The following PTPRN2 variants were observed in gnomAD, a reference collection of about 807,000 sequenced individuals.
PTPRN2 encodes protein tyrosine phosphatase receptor type N2, also known as receptor-type tyrosine-protein phosphatase N2.
In PTPRN2, 74 loss-of-function variants were observed where a neutral mutation model predicts 118.8. The observed-to-expected ratio is 0.62, with a 90% CI of 0.52 to 0.76. The LOEUF (loss-of-function observed/expected upper bound fraction) is 0.76. PTPRN2 is among the 30% of genes least tolerant of loss of function. The pLI is 0.00. For missense variants in PTPRN2, 1,481 were observed against 1,394.4 expected, an observed-to-expected ratio of 1.06 and a Z score of -0.99; for synonymous variants, 641 against 608.0, an observed-to-expected ratio of 1.05 and a Z score of -0.80.
At chr7:158,535,859 G>A (rs968743788) in intron 1 of PTPRN2, among the ~76,000 whole-genome samples, 2 of 150,532 alleles carry the variant, frequency 1.3e-5, no homozygotes, top group Non-Finnish European at 2.9e-5. Flanking sequence ...TCTATAAAAT[G>A]TCTAAGTTTT....
rs1341855278 is a variant in PTPRN2, at chr7:158,087,899, G to C, written c.1644-6522C>G. ...CACAAACCTTCTTCCCCTGATGAAA[G>C]AGGGAGTCTTCACACACATCCTTCT... On this transcript the variant is annotated intron_variant, in intron 10 of 22. Transcript: ENST00000389418. Among the ~76,000 whole-genome samples, 2 of 97,368 alleles carry C rather than the reference G, an allele frequency of 2.1e-5. 1 individual carries two copies. Among genetic ancestry groups the C allele is most frequent in the African/African-American group, 5.9e-5 (2 of 33,776 alleles). 63.9% of individuals were successfully genotyped at this position (97,368 alleles called of 152,430 possible).
At chr7:158,241,837 G>A (rs1412520922) in intron 3 of PTPRN2, among the ~76,000 whole-genome samples, 1 of 152,174 alleles carries the variant, frequency 6.6e-6, no homozygotes, top group Admixed American at 6.5e-5. Flanking sequence ...TTAAGTCAAG[G>A]AAATGATACA....
In PTPRN2 at chr7:157,632,244, T is replaced by G. The variant is rs1211880885; in HGVS notation, c.2197-10735A>C. ...GTCCACAGCCGGCCCAGTCTCTGCCTCACCTCTAGAAGGACTGCATGAAGA... is the reference window on the plus strand; with the variant it reads ...GTCCACAGCCGGCCCAGTCTCTGCCGCACCTCTAGAAGGACTGCATGAAGA... On this transcript the variant is annotated intron_variant, in intron 14 of 22. Transcript: ENST00000389418. This position sits in a 1 kb window ranked among gnomAD's most constrained non-coding sequence, Gnocchi z 4.3. Among the ~76,000 whole-genome samples, 3 of 152,336 alleles carry G rather than the reference T, an allele frequency of 2.0e-5. No individual in the cohort carries two copies. In the South Asian group the frequency reaches 6.2e-4, roughly 32 times the overall value.
intron 12 of PTPRN2, among the ~76,000 whole-genome samples, chr7:157,894,832 A>T (rs1259503441): frequency 6.6e-6 from 1 of 152,194 alleles, no homozygotes; most frequent in Non-Finnish European, 1.5e-5. Flanking sequence ...TGAACCCCAG[A>T]TCTGTGCATG....
chr7:158,312,697 A>G (rs1801940104), intron 3 of PTPRN2, among the ~76,000 whole-genome samples: 1 of 136,606 alleles, frequency 7.3e-6, no homozygotes, highest in Admixed American at 7.3e-5. Context: ...ACACCTGCAC[A>G]CTCATTCACG....
intron 9 of PTPRN2, 35 bp downstream of exon 9, chr7:158,133,642 C>T (rs764463962): frequency 1.2e-5 from 18 of 1,524,380 alleles, no homozygotes; most frequent in Admixed American, 4.0e-5. Flanking sequence ...AGCCCTCCCT[C>T]GGCACACAGG....
At chr7:158,469,212 C>T (rs1819662188) in intron 2 of PTPRN2, among the ~76,000 whole-genome samples, 1 of 152,198 alleles carries the variant, frequency 6.6e-6, no homozygotes, top group African/African-American at 2.4e-5. Context: ...GAGGCCAAGG[C>T]AGGTGGATCA....
chr7:158,189,816 C>G (rs755187295), intron 5 of PTPRN2, among the ~76,000 whole-genome samples: 5 of 152,236 alleles, frequency 3.3e-5, no homozygotes, highest in Non-Finnish European at 5.9e-5. Flanking sequence ...CAGGGCCCCA[C>G]AGCCCTTCTG....
rs1234353895 is a variant in PTPRN2, at chr7:157,539,281, T to C, written c.*1433A>G. On this transcript the variant is annotated 3_prime_UTR_variant, in exon 23 of 23. Transcript: ENST00000389418. ...TTCATTACAATACCATGTAGAGACA[T>C]AAGCAATATTTTGGCATCATTCTGT... is the stretch of plus-strand genomic sequence containing the variant. The C allele has an allele frequency of 6.6e-6, 1 of 152,218 alleles. No homozygotes were observed. The highest frequency in any genetic ancestry group is 1.9e-4 in the East Asian group (1 of 5,198). The allele number at this position is 152,218 out of a possible 1,614,324, so 9.4% of individuals were successfully genotyped here.
chr7:158,095,206 G>A (rs1363948955), intron 10 of PTPRN2, among the ~76,000 whole-genome samples: 3 of 151,396 alleles, frequency 2.0e-5, no homozygotes, highest in Non-Finnish European at 2.9e-5. Context: ...GACACATTCG[G>A]AAGAGTGAAG....
At position 157,874,033 on chromosome 7, in the gene PTPRN2, G is replaced by A. The variant is rs1419281345; in HGVS notation, c.1788+24640C>T. ...CGGGAAGAGCTCTCGGGACCTCGGG[G>A]GAGTGAGGTGGCCCAGGCCTGGCAC... On this transcript the variant is annotated intron_variant, in intron 12 of 22. Coordinates refer to ENST00000389418, the MANE Select transcript of PTPRN2 (RefSeq NM_002847.5). The surrounding 1 kb of genome is among the most constrained non-coding windows in gnomAD (Gnocchi z 5.8). Among the ~76,000 whole-genome samples the A allele has an allele frequency of 2.0e-5, 3 of 152,202 alleles. No homozygotes were observed. The highest frequency in any genetic ancestry group is 4.4e-5 in the Non-Finnish European group (3 of 68,028).
intron 3 of PTPRN2, among the ~76,000 whole-genome samples, chr7:158,303,572 A>G (rs1191989215): frequency 6.6e-6 from 1 of 152,266 alleles, no homozygotes; most frequent in East Asian, 1.9e-4. Flanking sequence ...ACCTTAAAAC[A>G]GCTGGATAAA....
At chr7:158,586,793 C>A (rs1048424911) in intron 1 of PTPRN2, among the ~76,000 whole-genome samples, 21 of 152,176 alleles carry the variant, frequency 1.4e-4, no homozygotes, top group African/African-American at 5.1e-4. Context: ...GCGGGTGCAG[C>A]GGGACATCCG....
At chr7:158,181,545 G>A (rs1361491193) in intron 5 of PTPRN2, among the ~76,000 whole-genome samples, 2 of 152,150 alleles carry the variant, frequency 1.3e-5, no homozygotes, top group African/African-American at 4.8e-5. Flanking sequence ...GTATAATTCA[G>A]CTGTGAATCC....
chr7:157,612,409 A>G (rs1802412849), intron 15 of PTPRN2, among the ~76,000 whole-genome samples: 1 of 152,190 alleles, frequency 6.6e-6, no homozygotes, highest in Non-Finnish European at 1.5e-5. Context: ...TGGCGGCGGC[A>G]AGACAGAGAC....
At chr7:158,333,919 C>CACACTCATCACTCA (rs1427715704) in intron 2 of PTPRN2, among the ~76,000 whole-genome samples, 1 of 110,922 alleles carries the variant, frequency 9.0e-6, no homozygotes, top group African/African-American at 3.7e-5. Flanking sequence ...TCACTCACAC[C>CACACTCATCACTCA]CACACTCTCA....
At position 157,953,603 on chromosome 7, in the gene PTPRN2, C is replaced by A. The variant is rs1031507075; in HGVS notation, c.1724-54866G>T. ...TGTCCCTAAAGACTTCTATGACATCCTGACACTGCCCTGCTTGGACACTCT... is the reference window on the plus strand; with the variant it reads ...TGTCCCTAAAGACTTCTATGACATCATGACACTGCCCTGCTTGGACACTCT... On this transcript the variant is annotated intron_variant, in intron 11 of 22. Transcript: ENST00000389418. The surrounding 1 kb of genome is among the most constrained non-coding windows in gnomAD (Gnocchi z 4.6). 2.0e-5 allele frequency among the ~76,000 whole-genome samples: 3 copies of A among 152,096 alleles called. No individual in the cohort carries two copies. Among genetic ancestry groups the A allele is most frequent in the African/African-American group, 7.2e-5 (3 of 41,398 alleles).
intron 12 of PTPRN2, among the ~76,000 whole-genome samples, chr7:157,688,053 C>T (rs1336201461): frequency 2.0e-5 from 3 of 152,116 alleles, no homozygotes; most frequent in Non-Finnish European, 4.4e-5. Context: ...TTCCTCCGTG[C>T]AGATGAAATT....
intron 1 of PTPRN2, among the ~76,000 whole-genome samples, chr7:158,542,433 G>A (rs944918666): frequency 7.9e-5 from 12 of 152,324 alleles, no homozygotes; most frequent in African/African-American, 2.4e-4. Flanking sequence ...GATTACGGGC[G>A]TGAGCCACGG....
Sources: allele counts gnomAD v4.1 joint callset (sites outside exome capture counted in the v4.1 genomes callset), GRCh38; gene constraint gnomAD v4.1.1; non-coding constraint Gnocchi (gnomAD v3.1); transcripts MANE v1.5; gene names NCBI Gene and HGNC (gene_info 2026-07-23, HGNC 2026-07-21).